The following PLD5 variants were observed in gnomAD, a reference collection of about 807,000 sequenced individuals.
PLD5 encodes the protein phospholipase D family member 5.
PLD5 carries 36 observed loss-of-function variants against 61.1 expected under a neutral mutation model. The observed-to-expected ratio is 0.59, with a 90% confidence interval of 0.45 to 0.78. The LOEUF is 0.78. Among genes scored for constraint, PLD5 ranks in the 30% least tolerant of loss-of-function variants. The pLI is 0.00. For synonymous variants in PLD5, 243 were observed against 242.8 expected (o/e 1.00, Z -0.01); for missense variants, 515 against 644.4 (o/e 0.80, Z 2.17).
intron 7 of PLD5, among the ~76,000 whole-genome samples, chr1:242,110,015 G>A (rs1346892378): frequency 1.3e-5 from 2 of 149,018 alleles, no homozygotes; most frequent in Non-Finnish European, 1.5e-5. Flanking sequence ...GCTGAGGCAG[G>A]AGAATCACAT....
intron 5 of PLD5, among the ~76,000 whole-genome samples, chr1:242,162,342 C>T (rs1665905818): frequency 6.6e-6 from 1 of 152,148 alleles, no homozygotes; most frequent in South Asian, 2.1e-4. Flanking sequence ...TTGTTACACT[C>T]CATCAGTCGT....
intron 1 of PLD5, among the ~76,000 whole-genome samples, chr1:242,508,685 A>G (rs1295459462): frequency 6.6e-6 from 1 of 152,160 alleles, no homozygotes; most frequent in Non-Finnish European, 1.5e-5. Context: ...CTCGATACCA[A>G]TCCTGTGACG....
Position 242,484,574 on chromosome 1 carries a change from A to G in PLD5, c.189+39514T>C, listed in dbSNP as rs560067118. On this transcript the variant is annotated intron_variant, in intron 1 of 9. Transcript: ENST00000536534. ...AAATTGAGGCAATAATTAATAGCCT[A>G]CCAACCAAAAAAAGTCCAGGACCAG... is the stretch of plus-strand genomic sequence containing the variant. 3.3e-5 allele frequency among the ~76,000 whole-genome samples: 5 copies of G among 152,342 alleles called. No homozygotes were observed. In the South Asian group the frequency reaches 1.0e-3, roughly 32 times the overall value.
At chr1:242,390,080 GCGC>G (rs1662840657) in intron 1 of PLD5, among the ~76,000 whole-genome samples, 7 of 46,154 alleles carry the variant, frequency 1.5e-4, no homozygotes, top group Non-Finnish European at 2.7e-4. Flanking sequence ...GAGTGCAGTG[GCGC>G]CATCTCACTT....
At chr1:242,255,790 T>G (rs4658469) in intron 4 of PLD5, among the ~76,000 whole-genome samples, 89,101 of 151,796 alleles carry the variant, frequency 0.59, 26,414 homozygotes, top group Admixed American at 0.68. Flanking sequence ...ATTCAGCAGC[T>G]CCCTGTCCTT....
chr1:242,464,675 C>T (rs10926746), intron 1 of PLD5, among the ~76,000 whole-genome samples: 38,284 of 152,066 alleles, frequency 0.25, 4,978 homozygotes, highest in African/African-American at 0.31. Flanking sequence ...CCCCAAAGAA[C>T]TGAAAACAAG....
At chr1:242,461,467 A>G (rs942766017) in intron 1 of PLD5, among the ~76,000 whole-genome samples, 1 of 152,264 alleles carries the variant, frequency 6.6e-6, no homozygotes, top group Admixed American at 6.5e-5. Flanking sequence ...TTCAAATACC[A>G]CATTGCCTTT....
chr1:242,359,279 T>G (rs932957489), intron 1 of PLD5, among the ~76,000 whole-genome samples: 6 of 152,180 alleles, frequency 3.9e-5, no homozygotes, highest in African/African-American at 1.4e-4. Flanking sequence ...AGAAGTTAGA[T>G]GTCTACCTCC....
At chr1:242,423,618 A>T (rs1045484556) in intron 1 of PLD5, among the ~76,000 whole-genome samples, 1 of 152,172 alleles carries the variant, frequency 6.6e-6, no homozygotes, top group Admixed American at 6.5e-5. Flanking sequence ...CCTGGGCAAC[A>T]TATTGAGACC....
chr1:242,125,268 G>A (rs943165831), intron 5 of PLD5, among the ~76,000 whole-genome samples: 1 of 152,138 alleles, frequency 6.6e-6, no homozygotes, highest in African/African-American at 2.4e-5. Flanking sequence ...ATCACTAGCA[G>A]TATGTTAGTA....
chr1:242,484,561 T>C (rs2102967318), intron 1 of PLD5, among the ~76,000 whole-genome samples: 1 of 152,320 alleles, frequency 6.6e-6, no homozygotes, highest in African/African-American at 2.4e-5. Context: ...ATTGAGGCAA[T>C]AATTAATAGC....
At chr1:242,314,820 C>CT (rs1293936816) in intron 2 of PLD5, among the ~76,000 whole-genome samples, 35 of 147,258 alleles carry the variant, frequency 2.4e-4, no homozygotes, top group African/African-American at 3.2e-4. Context: ...TGATCACAAG[C>CT]TTTTTTTTTT....
At chr1:242,143,138 C>T (rs1049731680) in intron 5 of PLD5, among the ~76,000 whole-genome samples, 3 of 152,156 alleles carry the variant, frequency 2.0e-5, no homozygotes, top group African/African-American at 4.8e-5. Flanking sequence ...AGCGATTCTC[C>T]TGCCTCAGCC....
chr1:242,139,816 T>C (rs780087237), intron 5 of PLD5, among the ~76,000 whole-genome samples: 3 of 152,166 alleles, frequency 2.0e-5, no homozygotes, highest in African/African-American at 4.8e-5. Flanking sequence ...TCAGTGGTCA[T>C]TGGGTGTCTC....
intron 4 of PLD5, among the ~76,000 whole-genome samples, chr1:242,228,574 C>T (rs1166518646): frequency 1.3e-5 from 2 of 151,672 alleles, no homozygotes; most frequent in East Asian, 1.9e-4. Flanking sequence ...GGAAGTCATA[C>T]ACATACAGAG....
chr1:242,495,218 C>T lies in PLD5; in HGVS notation c.189+28870G>A, dbSNP rs540479307. 2.0e-5 allele frequency among the ~76,000 whole-genome samples: 3 copies of T among 152,140 alleles called. No homozygotes were observed. The South Asian group carries it at 6.2e-4, about 32-fold the overall frequency. The stretch of plus-strand genomic sequence containing the variant: ...ATTGACAAAGTCCTCTCCAATCTCC[C>T]CCAACCAGTGCCCAGCTGGGAACCA... On this transcript the variant is annotated intron_variant, in intron 1 of 9. Transcript: ENST00000536534.
chr1:242,483,935 T>C (rs1237122132), intron 1 of PLD5, among the ~76,000 whole-genome samples: 1 of 151,762 alleles, frequency 6.6e-6, no homozygotes, highest in African/African-American at 2.4e-5. Flanking sequence ...ACATGGAAAC[T>C]GGACAACCTG....
At chr1:242,206,645 A>G (rs1347661369) in intron 5 of PLD5, among the ~76,000 whole-genome samples, 1 of 152,208 alleles carries the variant, frequency 6.6e-6, no homozygotes, top group Non-Finnish European at 1.5e-5. Flanking sequence ...AGAGAATGGT[A>G]TTAAGAAAAT....
At chr1:242,153,975 C>T (rs1665143877) in intron 5 of PLD5, among the ~76,000 whole-genome samples, 1 of 152,114 alleles carries the variant, frequency 6.6e-6, no homozygotes, top group Non-Finnish European at 1.5e-5. Context: ...TCTTCCTATC[C>T]ATGAGCATGG....
Sources: allele counts gnomAD v4.1 joint callset (sites outside exome capture counted in the v4.1 genomes callset), GRCh38; gene constraint gnomAD v4.1.1; transcripts MANE v1.5; gene names NCBI Gene and HGNC (gene_info 2026-07-23, HGNC 2026-07-21).